Variants in GRIN3A observed in about 807,000 individuals in gnomAD.
GRIN3A encodes the protein glutamate receptor ionotropic, NMDA 3A.
In GRIN3A, 47 loss-of-function variants were observed where a neutral mutation model predicts 92.4. That is an observed-to-expected ratio of 0.51 (90% CI 0.40 to 0.65). The LOEUF is 0.65. Among genes scored for constraint, GRIN3A ranks in the 30% least tolerant of loss-of-function variants. The pLI is 0.00. For missense variants in GRIN3A, 1,324 were observed against 1,393.1 expected (o/e 0.95, Z 0.79); for synonymous variants, 527 against 540.6 (o/e 0.97, Z 0.35).
intron 6 of GRIN3A, among the ~76,000 whole-genome samples, chr9:101,587,632 C>A (rs1169993985): frequency 6.6e-6 from 1 of 152,158 alleles, no homozygotes; most frequent in African/African-American, 2.4e-5. Context: ...TTCCCCAGAG[C>A]AAAATGACTG....
At chr9:101,709,287 C>G (rs181718369) in intron 1 of GRIN3A, among the ~76,000 whole-genome samples, 2 of 152,228 alleles carry the variant, frequency 1.3e-5, no homozygotes, top group East Asian at 3.9e-4. Context: ...ATCTATGTCA[C>G]CAGCTTCAGA....
intron 4 of GRIN3A, among the ~76,000 whole-genome samples, chr9:101,626,157 G>T (rs1411851906): frequency 6.6e-6 from 1 of 152,048 alleles, no homozygotes; most frequent in Non-Finnish European, 1.5e-5. Flanking sequence ...GGCCCCCAAT[G>T]GTTATTTCTA....
chr9:101,572,884 G>A lies in GRIN3A; in HGVS notation c.*290C>T. On this transcript the variant is annotated 3_prime_UTR_variant, in exon 9 of 9. Transcript: ENST00000361820. The stretch of plus-strand genomic sequence containing the variant: ...CAGAAATATTACTGTGGCACCTGGT[G>A]AAAAGGTTAACGGCAGCTGGGGTTA... 4.8e-6 allele frequency: 2 copies of A among 413,242 alleles called. No individual in the cohort carries two copies. Among genetic ancestry groups the A allele is most frequent in the South Asian group, 2.7e-5 (1 of 36,908 alleles). 25.6% of individuals were successfully genotyped at this position (413,242 alleles called of 1,614,324 possible). A position where few individuals can be genotyped will look rare whatever the true frequency, so the allele number is the denominator to read the frequency against.
Position 101,613,512 on chromosome 9 carries a change from A to C in GRIN3A, c.2630T>G (p.Leu877Arg). The C allele has an allele frequency of 6.2e-7, 1 of 1,614,210 alleles. No homozygotes were observed. Among genetic ancestry groups the C allele is most frequent in the Non-Finnish European group, 8.5e-7 (1 of 1,180,028 alleles). The change falls in exon 6 of 9, where the codon CTC becomes CGC. Residue 877 changes from leucine (L) to arginine (R), a missense_variant. Transcript: ENST00000361820. ...GGCGGTCAATGGAGAGTTGGGTGGG[A>C]GGCCAATGCCGTATCCTAGAAGAAA... Reference protein sequence around the residue: ...PFAIEGYGIGLPPNSPLTANI... With the variant: ...PFAIEGYGIGRPPNSPLTANI...
At chr9:101,623,218 T>A in intron 5 of GRIN3A, 100 bp downstream of exon 5, 1 of 793,178 alleles carries the variant, frequency 1.3e-6, no homozygotes, top group Non-Finnish European at 2.3e-6. Flanking sequence ...CGAGGGAAGA[T>A]GAATAGCTCT....
At position 101,686,713 on chromosome 9, in the gene GRIN3A, A is replaced by G; in HGVS notation, c.1187T>C (p.Val396Ala). The change falls in exon 2 of 9, where the codon GTC (valine) becomes GCC (alanine). Residue 396 changes from valine (V) to alanine (A), a missense_variant. By Grantham distance (64) the Val-to-Ala change is moderately conservative. Coordinates refer to ENST00000361820, the MANE Select transcript of GRIN3A (RefSeq NM_133445.3). ...EHYVQDAMEL[V>A]ARAVATATMI... ...GGTGGCTGTGGCTACAGCTCTTGCG[A>G]CCAGCTCCATAGCATCTTGTACGTA... The G allele has an allele frequency of 1.9e-6, 3 of 1,614,182 alleles. No individual in the cohort carries two copies. Among genetic ancestry groups the G allele is most frequent in the Non-Finnish European group, 2.5e-6 (3 of 1,180,026 alleles).
chr9:101,690,226 G>T (rs551922729), intron 1 of GRIN3A, among the ~76,000 whole-genome samples: 1 of 152,070 alleles, frequency 6.6e-6, no homozygotes, highest in Non-Finnish European at 1.5e-5. Flanking sequence ...ATACTTTAAT[G>T]TAGCTATATT....
chr9:101,669,122 T>A (rs1320273817), intron 3 of GRIN3A, among the ~76,000 whole-genome samples: 1 of 152,150 alleles, frequency 6.6e-6, no homozygotes, highest in Admixed American at 6.6e-5. Context: ...CATGTTGGAA[T>A]GCACTGCAGC....
At chr9:101,737,163 C>CAAAGTTAT in intron 1 of GRIN3A, 118 bp downstream of exon 1, 1 of 809,854 alleles carries the variant, frequency 1.2e-6, no homozygotes, top group Admixed American at 2.0e-5. Flanking sequence ...TAAGCAATAT[C>CAAAGTTAT]AAAGTTATAA....
chr9:101,596,154 G>A (rs534104195), intron 6 of GRIN3A, among the ~76,000 whole-genome samples: 21 of 152,142 alleles, frequency 1.4e-4, no homozygotes, highest in Non-Finnish European at 2.8e-4. Context: ...GTGTTCTATA[G>A]TTCAGCCAAA....
At chr9:101,712,313 A>G (rs910248104) in intron 1 of GRIN3A, among the ~76,000 whole-genome samples, 1 of 152,184 alleles carries the variant, frequency 6.6e-6, no homozygotes, top group African/African-American at 2.4e-5. Flanking sequence ...ATTTTGCACT[A>G]AATTTCTCTC....
rs376351151 is a variant in GRIN3A at position 101,621,666 on chromosome 9, A to G, written c.2614+1652T>C. 1.3e-3 allele frequency among the ~76,000 whole-genome samples: 202 copies of G among 152,322 alleles called. 2 individuals carry two copies. The highest frequency in any genetic ancestry group is 4.5e-3 in the African/African-American group (188 of 41,578). On this transcript the variant is annotated intron_variant, in intron 5 of 8. Coordinates refer to ENST00000361820, the MANE Select transcript of GRIN3A (RefSeq NM_133445.3). Reference sequence around the variant, plus strand: ...CAGGAACACAGATGGAAATGTAAACAGGAAACCAGTGGGGAGTTAATTGCG... The same window carrying G: ...CAGGAACACAGATGGAAATGTAAACGGGAAACCAGTGGGGAGTTAATTGCG...
intron 6 of GRIN3A, among the ~76,000 whole-genome samples, chr9:101,581,439 T>G (rs1783235999): frequency 6.6e-6 from 1 of 152,134 alleles, no homozygotes; most frequent in South Asian, 2.1e-4. Flanking sequence ...CTCCAAGGGT[T>G]GGTATTAAGA....
rs1829542047 is a variant in GRIN3A at position 101,686,766 on chromosome 9, T to A, written c.1134A>T (p.Gly378=). 1 of 1,614,042 alleles carries A rather than the reference T, an allele frequency of 6.2e-7. No individual in the cohort carries two copies. The highest frequency in any genetic ancestry group is 1.3e-5 in the African/African-American group (1 of 74,922). The change falls in exon 2 of 9, where the codon GGA becomes GGT. Residue 378 remains glycine (G), a synonymous_variant. Coordinates refer to ENST00000361820, the MANE Select transcript of GRIN3A (RefSeq NM_133445.3). ...GCTCAAAGACAGACTGTGTTGTTTT[T>A]CCATGAGCAATGAGCCCTAAGGGCA... ...EGLPLGLIAH[G]KTTQSVFEHY...
rs753859343 is a variant in GRIN3A, at chr9:101,686,855, G to T, written c.1045C>A (p.Pro349Thr). ...CCCAGCACCCAACGAAGTTCAGGGG[G>T]CATGACCCCAAACTGGGTTGTAATT... is the stretch of plus-strand genomic sequence containing the variant. ...FEITTQFGVM[P>T]PELRWVLGDS... The change falls in exon 2 of 9, where the codon CCC becomes ACC. Residue 349 changes from proline to threonine, a missense_variant. Transcript: ENST00000361820. The T allele has an allele frequency of 6.2e-7, 1 of 1,614,200 alleles. No homozygotes were observed. The highest frequency in any genetic ancestry group is 8.5e-7 in the Non-Finnish European group (1 of 1,180,046).
intron 3 of GRIN3A, among the ~76,000 whole-genome samples, chr9:101,632,769 C>T (rs1324211709): frequency 1.3e-5 from 2 of 152,074 alleles, no homozygotes; most frequent in Non-Finnish European, 2.9e-5. Flanking sequence ...GGATGGTCTA[C>T]CCTGTGTGTA....
intron 8 of GRIN3A, among the ~76,000 whole-genome samples, chr9:101,577,446 CTACTT>C (rs1391982332): frequency 2.6e-5 from 4 of 152,216 alleles, no homozygotes; most frequent in South Asian, 4.1e-4. Context: ...GTTTTTATCT[CTACTT>C]TACAAATGAG....
rs148313025 is a variant in GRIN3A at position 101,610,992 on chromosome 9, G to A, written c.2766+2384C>T. ...GGGCACCTGTAGTCCCAGCTACTCG[G>A]GAGGCTGAGGCAGGAGAATGGTGTG... On this transcript the variant is annotated intron_variant, in intron 6 of 8. Transcript: ENST00000361820. Among the ~76,000 whole-genome samples the A allele has an allele frequency of 7.9e-5, 12 of 152,026 alleles. No individual in the cohort carries two copies. The East Asian group carries it at 2.3e-3, about 29-fold the overall frequency.
chr9:101,712,828 G>C (rs1480261793), intron 1 of GRIN3A, among the ~76,000 whole-genome samples: 1 of 152,104 alleles, frequency 6.6e-6, no homozygotes, highest in Non-Finnish European at 1.5e-5. Flanking sequence ...TTATGGACAA[G>C]GCAATTCTTA....
Sources: gnomAD v4.1 joint callset for allele counts (sites outside exome capture counted in the v4.1 genomes callset) on GRCh38, gnomAD v4.1.1 for gene constraint, MANE v1.5 for transcripts, NCBI Gene and HGNC (gene_info 2026-07-23, HGNC 2026-07-21) for gene names.